Variants in PTPRN2 observed in about 807,000 individuals in gnomAD.
PTPRN2 encodes the protein protein tyrosine phosphatase receptor type N2.
Under a neutral mutation model 118.8 loss-of-function variants are expected in PTPRN2, and 74 were observed. That is an observed-to-expected ratio of 0.62 (90% CI 0.52 to 0.76). The LOEUF is 0.76. Ranked by LOEUF, PTPRN2 falls within the 30% of genes least tolerant of loss-of-function variation. The pLI is 0.00. For synonymous variants in PTPRN2, 641 were observed against 608.0 expected (o/e 1.05, Z -0.80); for missense variants, 1,481 against 1,394.4 (o/e 1.06, Z -0.99).
At position 157,899,567 on chromosome 7, in the gene PTPRN2, C is replaced by A. The variant is rs1013430425; in HGVS notation, c.1724-830G>T. Among the ~76,000 whole-genome samples the A allele has an allele frequency of 5.9e-5, 9 of 152,112 alleles. No individual in the cohort carries two copies. In the South Asian group the frequency reaches 1.9e-3, roughly 32 times the overall value. ...CTGCAAACCCTATGAATGAAGAGTGCCTTGCAATTGTGATTAATACAGGAT... is the reference window on the plus strand; with the variant it reads ...CTGCAAACCCTATGAATGAAGAGTGACTTGCAATTGTGATTAATACAGGAT... On this transcript the variant is annotated intron_variant, in intron 11 of 22. Transcript: ENST00000389418.
At chr7:158,223,736 C>T (rs139252933) in intron 3 of PTPRN2, among the ~76,000 whole-genome samples, 32 of 152,172 alleles carry the variant, frequency 2.1e-4, no homozygotes, top group African/African-American at 6.5e-4. Context: ...CAAAAGCTTT[C>T]ACTGAAGACT....
intron 2 of PTPRN2, among the ~76,000 whole-genome samples, chr7:158,447,255 G>A (rs1817787244): frequency 1.3e-5 from 2 of 152,276 alleles, no homozygotes; most frequent in African/African-American, 4.8e-5. Context: ...CCACCGTTAA[G>A]CAAAAGCGTG....
intron 11 of PTPRN2, among the ~76,000 whole-genome samples, chr7:157,902,607 G>A (rs779469065): frequency 2.6e-5 from 4 of 152,200 alleles, no homozygotes; most frequent in Non-Finnish European, 4.4e-5. Context: ...TCAAGAGCAC[G>A]TGGGGACCAG....
intron 12 of PTPRN2, among the ~76,000 whole-genome samples, chr7:157,883,486 G>T (rs765938037): frequency 2.7e-5 from 4 of 150,736 alleles, no homozygotes; most frequent in African/African-American, 4.9e-5. Context: ...ATGACTGTCA[G>T]AGACCAGAAC....
intron 2 of PTPRN2, among the ~76,000 whole-genome samples, chr7:158,380,903 C>G (rs1341463506): frequency 6.6e-6 from 1 of 152,274 alleles, no homozygotes; most frequent in Non-Finnish European, 1.5e-5. Flanking sequence ...TATGTGGAAG[C>G]TGCCAAGGCT....
chr7:157,795,642 C>G (rs1400131277), intron 12 of PTPRN2, among the ~76,000 whole-genome samples: 1 of 152,234 alleles, frequency 6.6e-6, no homozygotes, highest in East Asian at 1.9e-4. Context: ...CATTTTCAAG[C>G]TATTGATAAC....
intron 12 of PTPRN2, among the ~76,000 whole-genome samples, chr7:157,775,662 C>T (rs573455335): frequency 7.3e-4 from 111 of 152,268 alleles, no homozygotes; most frequent in African/African-American, 2.3e-3. Flanking sequence ...GGCGCAGCCT[C>T]GGGGCAGTCC....
intron 11 of PTPRN2, among the ~76,000 whole-genome samples, chr7:157,924,672 G>A (rs1225892747): frequency 6.6e-6 from 1 of 152,260 alleles, no homozygotes; most frequent in Non-Finnish European, 1.5e-5. Context: ...GCTGCAGGTG[G>A]ATTAAAGACT....
chr7:157,664,369 T>C lies in PTPRN2; in HGVS notation c.2002-7818A>G, dbSNP rs2150762808. Reference sequence around the variant, plus strand: ...TCACCTGCGTTCATTATCAGACTTCTGTGGGGGCCCAGGGCACAGAGCGGG... The same window carrying C: ...TCACCTGCGTTCATTATCAGACTTCCGTGGGGGCCCAGGGCACAGAGCGGG... On this transcript the variant is annotated intron_variant, in intron 13 of 22. Coordinates refer to ENST00000389418, the MANE Select transcript of PTPRN2 (RefSeq NM_002847.5). Among the ~76,000 whole-genome samples, 3 of 152,378 alleles carry C rather than the reference T, an allele frequency of 2.0e-5. No homozygotes were observed. The South Asian group carries it at 6.2e-4, about 32-fold the overall frequency.
At chr7:158,554,957 C>T (rs1395777641) in intron 1 of PTPRN2, among the ~76,000 whole-genome samples, 2 of 152,196 alleles carry the variant, frequency 1.3e-5, no homozygotes, top group Non-Finnish European at 2.9e-5. Flanking sequence ...CATCCTCACC[C>T]ACGACCCGGG....
chr7:157,620,508 C>T lies in PTPRN2; in HGVS notation c.2344+854G>A, dbSNP rs151128017. 4.6e-5 allele frequency among the ~76,000 whole-genome samples: 7 copies of T among 152,324 alleles called. No individual in the cohort carries two copies. In the East Asian group the frequency reaches 7.7e-4, roughly 17 times the overall value. On this transcript the variant is annotated intron_variant, in intron 15 of 22. Coordinates refer to ENST00000389418, the MANE Select transcript of PTPRN2 (RefSeq NM_002847.5). ...ACCACTGTTGATTGTGTGCCTGCGA[C>T]GTACCGGTGCTATGCTAATGACCTC...
At chr7:157,814,193 G>C (rs912497104) in intron 12 of PTPRN2, among the ~76,000 whole-genome samples, 1 of 152,212 alleles carries the variant, frequency 6.6e-6, no homozygotes, top group Non-Finnish European at 1.5e-5. Context: ...ACAGGCAGGC[G>C]AGGAAGCCCC....
intron 2 of PTPRN2, among the ~76,000 whole-genome samples, chr7:158,365,848 A>ACC (rs1371702463): frequency 3.7e-5 from 5 of 136,508 alleles, no homozygotes; most frequent in African/African-American, 1.5e-4. Flanking sequence ...ACACACACAC[A>ACC]CCCACACACA....
intron 2 of PTPRN2, among the ~76,000 whole-genome samples, chr7:158,327,758 G>T (rs998839105): frequency 1.3e-5 from 2 of 152,172 alleles, no homozygotes; most frequent in Non-Finnish European, 1.5e-5. Flanking sequence ...CCTGGTGGAG[G>T]CTGCCTTGCC....
chr7:157,822,560 A>C (rs568064772), intron 12 of PTPRN2, among the ~76,000 whole-genome samples: 4 of 151,770 alleles, frequency 2.6e-5, no homozygotes, highest in Non-Finnish European at 5.9e-5. Context: ...ATCATCCGCT[A>C]TCCATTATCT....
intron 6 of PTPRN2, among the ~76,000 whole-genome samples, chr7:158,146,819 T>C (rs1820102341): frequency 1.3e-5 from 2 of 151,832 alleles, no homozygotes; most frequent in Admixed American, 1.3e-4. Flanking sequence ...ACAGACACAC[T>C]AAAATGTTTT....
chr7:157,556,124 T>G (rs566782486), intron 21 of PTPRN2, among the ~76,000 whole-genome samples: 3 of 152,268 alleles, frequency 2.0e-5, no homozygotes, highest in Admixed American at 1.3e-4. Flanking sequence ...ATGCTCTGGG[T>G]GCCCCACACG....
chr7:157,893,258 T>C lies in PTPRN2; in HGVS notation c.1788+5415A>G, dbSNP rs1395913276. ...ATGACGGAGCCTCTGCCCCTGGGAATGGCAAGGTCCATCCTCTGCTCGCTC... is the reference window on the plus strand; with the variant it reads ...ATGACGGAGCCTCTGCCCCTGGGAACGGCAAGGTCCATCCTCTGCTCGCTC... On this transcript the variant is annotated intron_variant, in intron 12 of 22. Transcript: ENST00000389418. The surrounding 1 kb of genome is among the most constrained non-coding windows in gnomAD (Gnocchi z 4.0). Among the ~76,000 whole-genome samples, 2 of 152,184 alleles carry C rather than the reference T, an allele frequency of 1.3e-5. No individual in the cohort carries two copies. The highest frequency in any genetic ancestry group is 4.8e-5 in the African/African-American group (2 of 41,458).
chr7:158,244,733 TG>T (rs2150867442), intron 3 of PTPRN2, among the ~76,000 whole-genome samples: 1 of 151,604 alleles, frequency 6.6e-6, no homozygotes, highest in African/African-American at 2.4e-5. Context: ...TGAAAGTGTG[TG>T]TGTGTGTGAG....
Sources: gnomAD v4.1 joint callset for allele counts (sites outside exome capture counted in the v4.1 genomes callset) on GRCh38, gnomAD v4.1.1 for gene constraint, Gnocchi (gnomAD v3.1) non-coding constraint, MANE v1.5 for transcripts, NCBI Gene and HGNC (gene_info 2026-07-23, HGNC 2026-07-21) for gene names.